Variants in PALD1 observed in about 807,000 individuals in gnomAD.
The protein encoded by PALD1 is phosphatase domain containing paladin 1, also known as paladin.
A neutral mutation model predicts 96.0 loss-of-function variants in PALD1; 57 were observed. That is an observed-to-expected ratio of 0.59 (90% CI 0.48 to 0.74). The LOEUF (loss-of-function observed/expected upper bound fraction) is 0.74. PALD1 is among the 30% of genes least tolerant of loss of function. The probability of loss-of-function intolerance (pLI) is 0.00; values close to 1 mark genes in which losing one functional copy is unlikely to be tolerated. For synonymous variants in PALD1, 464 were observed against 473.6 expected, an observed-to-expected ratio of 0.98 and a Z score of 0.26; for missense variants, 1,063 against 1,143.7, an observed-to-expected ratio of 0.93 and a Z score of 1.02.
chr10:70,564,016 G>A (rs113677022), intron 18 of PALD1, among the ~76,000 whole-genome samples: 25 of 152,290 alleles, frequency 1.6e-4, no homozygotes, highest in African/African-American at 5.1e-4. Context: ...CGGTCCTGCC[G>A]TGTGGGAGGG....
chr10:70,532,651 A>G lies in PALD1; in HGVS notation c.664A>G (p.Thr222Ala), dbSNP rs767544469. ...IHDFAQLSEN[T>A]YHVYHNTEDL... ...CGACTTTGCCCAGCTGAGCGAGAAC[A>G]CATACCATGTGTACCATAACACCGA... Residue 222 changes from threonine to alanine, a missense_variant, in exon 6 of 20, where the codon ACA (threonine) becomes GCA (alanine). Coordinates refer to ENST00000263563, the MANE Select transcript of PALD1 (RefSeq NM_014431.3). The G allele has an allele frequency of 1.9e-5, 31 of 1,614,048 alleles. No homozygotes were observed. Among genetic ancestry groups the G allele is most frequent in the Non-Finnish European group, 2.5e-5 (30 of 1,180,024 alleles).
the PALD1 span, among the ~76,000 whole-genome samples, chr10:70,458,791 C>T: frequency 1.3e-5 from 2 of 152,356 alleles, no homozygotes; most frequent in Admixed American, 1.3e-4. Flanking sequence ...TGTCCCGTCC[C>T]CTCGCTGGGC....
chr10:70,478,045 T>TGG (rs200912603), upstream of PALD1, among the ~76,000 whole-genome samples: 2 of 89,206 alleles, frequency 2.2e-5, no homozygotes, highest in Non-Finnish European at 4.7e-5. Flanking sequence ...TGAGGAGTGG[T>TGG]GGGGGGGGCA....
In PALD1 at chr10:70,548,629, A is replaced by G. The variant is rs115507167; in HGVS notation, c.2262+1183A>G. Among the ~76,000 whole-genome samples, 1,418 of 152,296 alleles carry G rather than the reference A, an allele frequency of 9.3e-3. 27 individuals carry two copies. Among genetic ancestry groups the G allele is most frequent in the African/African-American group, 0.033 (1,358 of 41,560 alleles). On this transcript the variant is annotated intron_variant, in intron 18 of 19. Coordinates refer to ENST00000263563, the MANE Select transcript of PALD1 (RefSeq NM_014431.3). ...GATTCCATGGTGCTGAGAGAGGGCT[A>G]TATGTACCAGCCATGTGTTCCCCAC...
At chr10:70,478,418 G>A (rs1422249452), upstream of PALD1, among the ~76,000 whole-genome samples, 1 of 152,244 alleles carries the variant, frequency 6.6e-6, no homozygotes, top group Admixed American at 6.5e-5. Context: ...GGTAGCCGGC[G>A]TCCGGGACGG....
chr10:70,538,984 C>T lies in PALD1; in HGVS notation c.1545C>T (p.Tyr515=), dbSNP rs768571925. 36 of 1,613,674 alleles carry T rather than the reference C, an allele frequency of 2.2e-5. No individual in the cohort carries two copies. Among genetic ancestry groups the T allele is most frequent in the East Asian group, 1.1e-4 (5 of 44,890 alleles). ...GGCGGGTGCCCCGCATGCCCATCTA[C>T]GGCACGGCCCAGCCCAGCGCCAAGG... The part of the protein sequence containing the change: ...NFRRVPRMPI[Y]GTAQPSAKAL... Residue 515 remains tyrosine (Y), a synonymous_variant, in exon 13 of 20, where the codon TAC becomes TAT. Transcript: ENST00000263563.
the PALD1 span, among the ~76,000 whole-genome samples, chr10:70,473,651 ATT>A: frequency 0.027 from 3,957 of 148,862 alleles, 59 homozygotes; most frequent in African/African-American, 0.033. Context: ...TTACAGACTA[ATT>A]TTTTTTTTTT....
chr10:70,522,721 C>T (rs1253032275), intron 1 of PALD1, among the ~76,000 whole-genome samples: 1 of 152,178 alleles, frequency 6.6e-6, no homozygotes, highest in Non-Finnish European at 1.5e-5. Context: ...GAGGTTTGAG[C>T]ACTAGGCACC....
At chr10:70,563,416 CTT>C (rs1323046668) in intron 18 of PALD1, among the ~76,000 whole-genome samples, 2 of 152,234 alleles carry the variant, frequency 1.3e-5, no homozygotes, top group Admixed American at 1.3e-4. Context: ...GGAAATCTCT[CTT>C]TAATTGGCTT....
intron 4 of PALD1, 53 bp from the exon 5 acceptor site, chr10:70,531,237 G>A: frequency 6.6e-7 from 1 of 1,504,286 alleles, no homozygotes. Context: ...AGTGGTGCAG[G>A]TGTCTGTGCG....
In PALD1 at chr10:70,547,360, G is replaced by A; in HGVS notation, c.2176G>A (p.Val726Met). The change falls in exon 18 of 20, where the codon GTG becomes ATG. Residue 726 changes from valine to methionine, a missense_variant. Physicochemically the swap from Val to Met is conservative, Grantham distance 21. Transcript: ENST00000263563. ...CGATGGGCACCGTGTGAAGAAGGAG[G>A]TGGACGCAGCGCTGGACACTGTCAG... is the stretch of plus-strand genomic sequence containing the variant. ...LPDGHRVKKE[V>M]DAALDTVSET... 6.2e-7 allele frequency: 1 copy of A among 1,613,124 alleles called. No homozygotes were observed. The highest frequency in any genetic ancestry group is 8.5e-7 in the Non-Finnish European group (1 of 1,179,220).
At chr10:70,499,824 G>C (rs563755167) in intron 1 of PALD1, among the ~76,000 whole-genome samples, 78 of 152,210 alleles carry the variant, frequency 5.1e-4, no homozygotes, top group Non-Finnish European at 9.1e-4. Flanking sequence ...TTGAATCTTT[G>C]CTCCACTGTT....
intron 1 of PALD1, among the ~76,000 whole-genome samples, chr10:70,504,469 G>A (rs896113958): frequency 6.6e-6 from 1 of 152,222 alleles, no homozygotes; most frequent in Admixed American, 6.5e-5. Context: ...GTTGCAGTGA[G>A]CCGAGATCGT....
At chr10:70,541,628 C>A in intron 17 of PALD1, 94 bp downstream of exon 17, 1 of 858,350 alleles carries the variant, frequency 1.2e-6, no homozygotes, top group Non-Finnish European at 1.9e-6. Flanking sequence ...AAGCACGTCC[C>A]AATGCAGTCA....
chr10:70,463,143 G>A, the PALD1 span, among the ~76,000 whole-genome samples: 716 of 152,294 alleles, frequency 4.7e-3, 5 homozygotes, highest in African/African-American at 0.016. Flanking sequence ...GGTGGCTCAC[G>A]CCTGTAATCC....
At chr10:70,518,225 G>GACCTATC (rs1454704565) in intron 1 of PALD1, among the ~76,000 whole-genome samples, 1 of 152,166 alleles carries the variant, frequency 6.6e-6, no homozygotes, top group East Asian at 1.9e-4. Flanking sequence ...TTATGGTGTG[G>GACCTATC]ACCTATCACA....
At chr10:70,514,873 T>TGC (rs1220981869) in intron 1 of PALD1, among the ~76,000 whole-genome samples, 3 of 152,182 alleles carry the variant, frequency 2.0e-5, no homozygotes, top group Non-Finnish European at 4.4e-5. Flanking sequence ...TTGTGACCTT[T>TGC]GCCCAACTTG....
chr10:70,521,942 A>G (rs1184004275), intron 1 of PALD1, among the ~76,000 whole-genome samples: 1 of 152,198 alleles, frequency 6.6e-6, no homozygotes, highest in African/African-American at 2.4e-5. Context: ...AATATGTTTC[A>G]TTGAGAGAAC....
chr10:70,486,134 T>C (rs1454924410), intron 1 of PALD1: 3 of 216,582 alleles, frequency 1.4e-5, no homozygotes, highest in Non-Finnish European at 3.2e-5. Flanking sequence ...TCCTGTCATA[T>C]ACTTTGAAAA....
Sources: gnomAD v4.1 joint callset for allele counts (sites outside exome capture counted in the v4.1 genomes callset) on GRCh38, gnomAD v4.1.1 for gene constraint, MANE v1.5 for transcripts, NCBI Gene and HGNC (gene_info 2026-07-23, HGNC 2026-07-21) for gene names.